The following HIPK2 variants were observed in gnomAD, a reference collection of about 807,000 sequenced individuals.
HIPK2 encodes homeodomain-interacting protein kinase 2.
Under a neutral mutation model 113.7 loss-of-function variants are expected in HIPK2, and 27 were observed. The ratio of observed to expected loss-of-function variants is 0.24; its 90% CI spans 0.17 to 0.33. HIPK2 has a LOEUF of 0.33. Among genes scored for constraint, HIPK2 ranks in the 10% least tolerant of loss-of-function variants. The pLI is 1.00. For missense variants in HIPK2, 1,257 were observed against 1,588.0 expected (o/e 0.79, Z 3.54); for synonymous variants, 631 against 642.2 (o/e 0.98, Z 0.26).
chr7:139,582,454 C>G (rs1311280985), intron 13 of HIPK2, among the ~76,000 whole-genome samples: 1 of 152,256 alleles, frequency 6.6e-6, no homozygotes, highest in Non-Finnish European at 1.5e-5. Context: ...CACAGGAGCG[C>G]TGGCTCTGAT....
At chr7:139,730,244 T>C (rs1004576210) in intron 1 of HIPK2, among the ~76,000 whole-genome samples, 1 of 152,220 alleles carries the variant, frequency 6.6e-6, no homozygotes, top group Non-Finnish European at 1.5e-5. Context: ...AGGTGCCTTT[T>C]TGAGCTACCT....
rs545994183 is a variant in HIPK2 at position 139,566,559 on chromosome 7, G to A, written c.*6368C>T. 61 of 152,252 alleles carry A rather than the reference G, an allele frequency of 4.0e-4. 1 individual carries two copies. Among genetic ancestry groups the A allele is most frequent in the African/African-American group, 1.4e-3 (58 of 41,550 alleles). 9.4% of individuals were successfully genotyped at this position (152,252 alleles called of 1,614,324 possible). On this transcript the variant is annotated 3_prime_UTR_variant, in exon 15 of 15. Coordinates refer to ENST00000406875, the MANE Select transcript of HIPK2 (RefSeq NM_022740.5). This position sits in a 1 kb window ranked among gnomAD's most constrained non-coding sequence, Gnocchi z 4.1. ...CAGGAAGGGCCTGATGAACAAAAAA[G>A]GGAACCTTGGGGATTCTGGCCCATC...
chr7:139,575,366 G>A (rs2116481963), intron 13 of HIPK2, 78 bp from the exon 14 acceptor site: 1 of 1,453,708 alleles, frequency 6.9e-7, no homozygotes, highest in Non-Finnish European at 9.2e-7. Flanking sequence ...CCAGAGAACA[G>A]TGGTCTTCCA....
intron 4 of HIPK2, among the ~76,000 whole-genome samples, chr7:139,629,771 G>C (rs1331843185): frequency 6.6e-6 from 1 of 152,164 alleles, no homozygotes; most frequent in Non-Finnish European, 1.5e-5. Context: ...AGCACACCTG[G>C]AGCGGCTTAA....
chr7:139,590,352 A>G (rs1400065272), intron 12 of HIPK2, among the ~76,000 whole-genome samples: 2 of 152,250 alleles, frequency 1.3e-5, no homozygotes, highest in African/African-American at 4.8e-5. Flanking sequence ...ATGAAAATAA[A>G]TAAGGAGCTA....
chr7:139,600,650 T>A, intron 10 of HIPK2, 54 bp from the exon 11 acceptor site: 1 of 1,568,722 alleles, frequency 6.4e-7, no homozygotes, highest in Non-Finnish European at 8.7e-7. Flanking sequence ...AAAGTAGAGC[T>A]CCTCTATAAG....
chr7:139,769,866 G>T (rs1442215924), intron 1 of HIPK2, among the ~76,000 whole-genome samples: 1 of 152,218 alleles, frequency 6.6e-6, no homozygotes, highest in East Asian at 1.9e-4. Flanking sequence ...CCCAGGCTCA[G>T]TTAACAGAAC....
chr7:139,651,998 A>C (rs1172286502), intron 2 of HIPK2, among the ~76,000 whole-genome samples: 2 of 152,142 alleles, frequency 1.3e-5, no homozygotes, highest in African/African-American at 4.8e-5. Context: ...TGGCGCCATA[A>C]CTCAGTGAAT....
chr7:139,735,732 C>T (rs559430384), intron 1 of HIPK2, among the ~76,000 whole-genome samples: 19 of 152,314 alleles, frequency 1.2e-4, no homozygotes, highest in South Asian at 4.1e-4. Context: ...CCTTTACACA[C>T]GAGAGTGCAC....
At chr7:139,701,390 G>A (rs1480516598) in intron 2 of HIPK2, among the ~76,000 whole-genome samples, 1 of 152,244 alleles carries the variant, frequency 6.6e-6, no homozygotes, top group Non-Finnish European at 1.5e-5. Flanking sequence ...GAGGCTGTGA[G>A]GCTAGACATG....
chr7:139,765,725 T>C (rs1048499681), intron 1 of HIPK2, among the ~76,000 whole-genome samples: 6 of 152,172 alleles, frequency 3.9e-5, no homozygotes, highest in Non-Finnish European at 8.8e-5. Context: ...GTAATCAGCC[T>C]TCCTTTCCCC....
At position 139,604,224 on chromosome 7, in the gene HIPK2, C is replaced by A; in HGVS notation, c.2113-1G>T. ...GCTGGGTCCCACTTGGCCAAGCCTG[C>A]TGTAGAACACAGGACATGTGCAATG... On this transcript the variant is annotated splice_acceptor_variant, in intron 9 of 14. Coordinates refer to ENST00000406875, the MANE Select transcript of HIPK2 (RefSeq NM_022740.5). LOFTEE classifies it high-confidence loss of function. 6.2e-7 allele frequency: 1 copy of A among 1,608,084 alleles called. No individual in the cohort carries two copies.
At chr7:139,579,744 T>C (rs1226036418) in intron 13 of HIPK2, among the ~76,000 whole-genome samples, 1 of 151,684 alleles carries the variant, frequency 6.6e-6, no homozygotes, top group African/African-American at 2.4e-5. Flanking sequence ...AAGTGAAGGG[T>C]GAGCTGCCGC....
chr7:139,583,173 G>T (rs1045721619), intron 13 of HIPK2, among the ~76,000 whole-genome samples: 1 of 152,232 alleles, frequency 6.6e-6, no homozygotes, highest in East Asian at 1.9e-4. Flanking sequence ...CAAGGGAAAC[G>T]CTAAATAGAT....
chr7:139,636,032 T>C (rs539593917), intron 2 of HIPK2, among the ~76,000 whole-genome samples: 1 of 152,312 alleles, frequency 6.6e-6, no homozygotes, highest in African/African-American at 2.4e-5. Flanking sequence ...TTTGCTCAGC[T>C]TCCTCTAATT....
In HIPK2 at chr7:139,562,143, A is replaced by C. The variant is rs1477159344; in HGVS notation, c.*10784T>G. On this transcript the variant is annotated 3_prime_UTR_variant, in exon 15 of 15. Coordinates refer to ENST00000406875, the MANE Select transcript of HIPK2 (RefSeq NM_022740.5). Reference sequence around the variant, plus strand: ...AGACATTTATAAATAAAAAAGAGGGACAATTCACATAGGAAAAAGAGGTAC... The same window carrying C: ...AGACATTTATAAATAAAAAAGAGGGCCAATTCACATAGGAAAAAGAGGTAC... 1 of 152,254 alleles carries C rather than the reference A, an allele frequency of 6.6e-6. No individual in the cohort carries two copies. The highest frequency in any genetic ancestry group is 1.5e-5 in the Non-Finnish European group (1 of 68,040). 9.4% of individuals were successfully genotyped at this position (152,254 alleles called of 1,614,324 possible). A position where few individuals can be genotyped will look rare whatever the true frequency, so the allele number is the denominator to read the frequency against.
At chr7:139,738,002 C>T (rs1476727746) in intron 1 of HIPK2, among the ~76,000 whole-genome samples, 1 of 152,214 alleles carries the variant, frequency 6.6e-6, no homozygotes, top group Non-Finnish European at 1.5e-5. Context: ...CCCGATCCAT[C>T]TGCACATGAG....
Position 139,614,313 on chromosome 7 carries a change from G to C in HIPK2, c.1963C>G (p.Leu655Val), listed in dbSNP as rs755651674. The change falls in exon 8 of 15, where the codon CTC becomes GTC. Residue 655 changes from leucine (L) to valine (V), a missense_variant. By Grantham distance (32) the Leu-to-Val change is conservative (BLOSUM62 1). This residue lies in a region of HIPK2 where 862 missense variants were observed against 1,004.3 expected (regional missense o/e 0.86). Transcript: ENST00000406875. ...CARPDPFQQA[L>V]IVCPPGFQGL... ...TGGAAGCCGGGGGGACACACGATGA[G>C]AGCTTGCTGGAACGGGTCAGGCCGG... 10 of 1,547,144 alleles carry C rather than the reference G, an allele frequency of 6.5e-6. No homozygotes were observed. Among genetic ancestry groups the C allele is most frequent in the Non-Finnish European group, 8.8e-6 (10 of 1,136,594 alleles).
intron 11 of HIPK2, among the ~76,000 whole-genome samples, chr7:139,599,781 T>C (rs1261368291): frequency 6.6e-6 from 1 of 152,226 alleles, no homozygotes; most frequent in African/African-American, 2.4e-5. Context: ...AAGCTGAGTG[T>C]TCTCCAGACA....
Sources: allele counts gnomAD v4.1 joint callset (sites outside exome capture counted in the v4.1 genomes callset), GRCh38; gene constraint gnomAD v4.1.1; regional missense constraint gnomAD v4.1.1; non-coding constraint Gnocchi (gnomAD v3.1); transcripts MANE v1.5; gene names NCBI Gene and HGNC (gene_info 2026-07-23, HGNC 2026-07-21).